SLC7A7: variants seen among roughly 807,000 people sequenced by gnomAD.
SLC7A7 encodes solute carrier family 7 member 7.
A neutral mutation model predicts 47.9 loss-of-function variants in SLC7A7; 39 were observed. The ratio of observed to expected loss-of-function variants is 0.81; its 90% CI spans 0.63 to 1.06. The LOEUF is 1.06. SLC7A7 is among the 50% of genes least tolerant of loss of function. SLC7A7 has a pLI of 0.00. For synonymous variants in SLC7A7, 234 were observed against 242.8 expected, an observed-to-expected ratio of 0.96 and a Z score of 0.34; for missense variants, 588 against 632.0, an observed-to-expected ratio of 0.93 and a Z score of 0.75.
upstream of SLC7A7, among the ~76,000 whole-genome samples, chr14:22,818,173 G>C (rs1319495202): frequency 6.6e-6 from 1 of 152,180 alleles, no homozygotes; most frequent in Non-Finnish European, 1.5e-5. Flanking sequence ...GGAATGGAGA[G>C]AGAAGTGTAC....
chr14:22,776,113 C>G (rs202115622), intron 5 of SLC7A7, 82 bp downstream of exon 5: 17 of 1,590,396 alleles, frequency 1.1e-5, no homozygotes, highest in Admixed American at 3.3e-5. Context: ...CTGTCTACCC[C>G]CTTTCCAGGA....
chr14:22,805,855 A>T (rs1388486048), intron 2 of SLC7A7, among the ~76,000 whole-genome samples: 1 of 152,210 alleles, frequency 6.6e-6, no homozygotes, highest in Non-Finnish European at 1.5e-5. Flanking sequence ...CTGTACATAC[A>T]TCAAAGGCCG....
At position 22,812,773 on chromosome 14, in the gene SLC7A7, C is replaced by CTATATATATATATATATATA. The variant is rs58930730; in HGVS notation, c.499+126_499+127insTATATATATATATATATATA. The CTATATATATATATATATATA allele has an allele frequency of 1.2e-3, 515 of 439,100 alleles. 10 individuals are homozygous for CTATATATATATATATATATA. The highest frequency in any genetic ancestry group is 3.4e-3 in the African/African-American group (135 of 39,330). 27.2% of individuals were successfully genotyped at this position (439,100 alleles called of 1,614,324 possible). On this transcript the variant is annotated intron_variant, in intron 2 of 9. Coordinates refer to ENST00000674313, the MANE Select transcript of SLC7A7 (RefSeq NM_003982.4). ...AATTTTCACACAAAGCATACTTTAA[C>CTATATATATATATATATATA]TATATATATATATATATATGTTGTC... is the stretch of plus-strand genomic sequence containing the variant.
At chr14:22,785,959 T>C (rs1344143279) in intron 2 of SLC7A7, among the ~76,000 whole-genome samples, 4 of 149,392 alleles carry the variant, frequency 2.7e-5, no homozygotes, top group African/African-American at 9.9e-5. Flanking sequence ...GAGGCGGAGC[T>C]TGCAGTGAAC....
chr14:22,812,995 A>G lies in SLC7A7; in HGVS notation c.404T>C (p.Ile135Thr), dbSNP rs377067387. ...LIIEPTSQAI[I>T]AITFANYMVQ... ...CATGTAGTTGGCAAAGGTGATGGCA[A>G]TGATGGCCTGGCTGGTGGGCTCAAT... is the stretch of plus-strand genomic sequence containing the variant. Residue 135 changes from isoleucine (I) to threonine (T), a missense_variant, in exon 2 of 10, where the codon ATT (isoleucine) becomes ACT (threonine). Coordinates refer to ENST00000674313, the MANE Select transcript of SLC7A7 (RefSeq NM_003982.4). 7 of 1,614,038 alleles carry G rather than the reference A, an allele frequency of 4.3e-6. No individual in the cohort carries two copies. Among genetic ancestry groups the G allele is most frequent in the Non-Finnish European group, 5.1e-6 (6 of 1,180,004 alleles).
At chr14:22,807,544 C>A (rs1027435332) in intron 2 of SLC7A7, among the ~76,000 whole-genome samples, 1 of 152,012 alleles carries the variant, frequency 6.6e-6, no homozygotes, top group African/African-American at 2.4e-5. Flanking sequence ...CCTGCCTGGG[C>A]GACAGAGCAA....
In SLC7A7 at chr14:22,773,633, G is replaced by A. The variant is rs1319180731; in HGVS notation, c.1513C>T (p.Gln505Ter). 3.7e-6 allele frequency: 6 copies of A among 1,614,100 alleles called. No individual in the cohort carries two copies. In the South Asian group the frequency reaches 5.5e-5, roughly 15 times the overall value. Residue 505 changes from glutamine to a stop codon, truncating the protein, a stop_gained, in exon 10 of 10, where the codon CAA becomes TAA. Transcript: ENST00000674313. LOFTEE classifies it high-confidence loss of function. Reference sequence around the variant, plus strand: ...GTTTAGTTAGATTTGGGATCCCGTTGCTTGGGCATCTCTCCTCCATCTTCC... The same window carrying A: ...GTTTAGTTAGATTTGGGATCCCGTTACTTGGGCATCTCTCCTCCATCTTCC... ...DLEDGGEMPK[Q>*]RDPKSN
intron 2 of SLC7A7, among the ~76,000 whole-genome samples, chr14:22,810,374 A>G: frequency 6.6e-6 from 1 of 150,456 alleles, no homozygotes; most frequent in East Asian, 2.0e-4. Context: ...AGGCAGGAGA[A>G]TCACTTGAAC....
At chr14:22,790,875 G>C (rs11628748) in intron 2 of SLC7A7, among the ~76,000 whole-genome samples, 130,649 of 151,516 alleles carry the variant, frequency 0.86, 57,305 homozygotes, top group East Asian at 0.98. Flanking sequence ...GTGTGCGCCT[G>C]TAGTCCCAGC....
intron 2 of SLC7A7, among the ~76,000 whole-genome samples, chr14:22,796,331 C>T (rs2039020988): frequency 3.3e-5 from 5 of 152,162 alleles, no homozygotes; most frequent in Admixed American, 3.3e-4. Context: ...TCCTTCACAG[C>T]CCACAGCGGC....
intron 2 of SLC7A7, among the ~76,000 whole-genome samples, chr14:22,809,669 T>A (rs868342318): frequency 6.6e-6 from 1 of 151,758 alleles, no homozygotes; most frequent in South Asian, 2.1e-4. Context: ...GAGAGGGGGT[T>A]TCACGATCCG....
At chr14:22,795,392 T>TGCTTGC (rs201629487) in intron 2 of SLC7A7, among the ~76,000 whole-genome samples, 1,747 of 48,664 alleles carry the variant, frequency 0.036, 38 homozygotes, top group Middle Eastern at 0.054. Flanking sequence ...CTTGCTTTCT[T>TGCTTGC]TCTTTCTTTC....
chr14:22,775,522 T>G lies in SLC7A7; in HGVS notation c.1017A>C (p.Ser339=). Residue 339 remains serine (S), a synonymous_variant, in exon 7 of 10, where the codon TCA becomes TCC. Coordinates refer to ENST00000674313, the MANE Select transcript of SLC7A7 (RefSeq NM_003982.4). The stretch of plus-strand genomic sequence containing the variant: ...TGGCATCAGGGAGATGGCCTTCTCT[T>G]GAGCCCACAAAGAAAAGCCTATGTT... ...VAASRLFFVG[S]REGHLPDAIC... is the part of the protein sequence containing the mutation. The G allele has an allele frequency of 6.2e-7, 1 of 1,614,178 alleles. No individual in the cohort carries two copies. Among genetic ancestry groups the G allele is most frequent in the Non-Finnish European group, 8.5e-7 (1 of 1,180,006 alleles).
chr14:22,773,569 C>G lies in SLC7A7; in HGVS notation c.*41G>C, dbSNP rs141956976. 1.9e-6 allele frequency: 3 copies of G among 1,558,350 alleles called. No individual in the cohort carries two copies. Among genetic ancestry groups the G allele is most frequent in the Non-Finnish European group, 2.7e-6 (3 of 1,129,012 alleles). Reference sequence around the variant, plus strand: ...AACTTCCTTAGCTCTAGCCAGTAGACCAGAAACCCCTGCTTTCCACATCAG... The same window carrying G: ...AACTTCCTTAGCTCTAGCCAGTAGAGCAGAAACCCCTGCTTTCCACATCAG... On this transcript the variant is annotated 3_prime_UTR_variant, in exon 10 of 10. Transcript: ENST00000674313.
At chr14:22,779,745 C>T (rs1046770210) in intron 3 of SLC7A7, among the ~76,000 whole-genome samples, 181 bp downstream of exon 3, 1 of 151,998 alleles carries the variant, frequency 6.6e-6, no homozygotes, top group Non-Finnish European at 1.5e-5. Flanking sequence ...CGAGCCACTG[C>T]GCCCGGCCCA....
In SLC7A7 at chr14:22,813,359, C is replaced by T. The variant is rs2138664158; in HGVS notation, c.40G>A (p.Glu14Lys). 4 of 1,613,800 alleles carry T rather than the reference C, an allele frequency of 2.5e-6. No individual in the cohort carries two copies. The Admixed American group carries it at 6.7e-5, about 27-fold the overall frequency. Residue 14 changes from glutamate to lysine, a missense_variant, in exon 2 of 10, where the codon GAG becomes AAG. Transcript: ENST00000674313. ...TCACCCAAAGGGGAGGTTTCCACCT[C>T]AGGCTGGGAGGCCACTTCATACTCA... ...STEYEVASQP[E>K]VETSPLGDGA...
Position 22,813,327 on chromosome 14 carries a change from G to T in SLC7A7, c.72C>A (p.Ala24=). 6.2e-7 allele frequency: 1 copy of T among 1,614,124 alleles called. No homozygotes were observed. The highest frequency in any genetic ancestry group is 8.5e-7 in the Non-Finnish European group (1 of 1,180,032). Residue 24 remains alanine, a synonymous_variant, in exon 2 of 10, where the codon GCC becomes GCA. Coordinates refer to ENST00000674313, the MANE Select transcript of SLC7A7 (RefSeq NM_003982.4). The stretch of plus-strand genomic sequence containing the variant: ...GCTTCACCTGCTCCGGCCCTGGGCT[G>T]GCCCCATCACCCAAAGGGGAGGTTT... ...EVETSPLGDG[A]SPGPEQVKLK...
chr14:22,815,579 G>A (rs1274591989), upstream of SLC7A7: 2 of 454,086 alleles, frequency 4.4e-6, no homozygotes, highest in Admixed American at 4.7e-5. Context: ...TCTGCAAAAG[G>A]GGCAGCTAGG....
At chr14:22,802,428 A>G (rs1440658893) in intron 2 of SLC7A7, among the ~76,000 whole-genome samples, 1 of 46,510 alleles carries the variant, frequency 2.2e-5, no homozygotes, top group African/African-American at 4.7e-5. Context: ...ACAACCAAAC[A>G]AACAAACAAA....
Sources: gnomAD v4.1 joint callset for allele counts (sites outside exome capture counted in the v4.1 genomes callset) on GRCh38, gnomAD v4.1.1 for gene constraint, MANE v1.5 for transcripts, NCBI Gene and HGNC (gene_info 2026-07-23, HGNC 2026-07-21) for gene names.